Variants in CALN1 observed in about 807,000 individuals in gnomAD.
CALN1 encodes calcium-binding protein 8.
In CALN1, 17 loss-of-function variants were observed where a neutral mutation model predicts 30.6. That is an observed-to-expected ratio of 0.56 (90% CI 0.38 to 0.83). The LOEUF (loss-of-function observed/expected upper bound fraction) is 0.83. CALN1 is among the 40% of genes least tolerant of loss of function. The pLI is 0.00. For missense variants in CALN1, 291 were observed against 354.9 expected, an observed-to-expected ratio of 0.82 and a Z score of 1.45; for synonymous variants, 156 against 131.4, an observed-to-expected ratio of 1.19 and a Z score of -1.28.
intron 5 of CALN1, among the ~76,000 whole-genome samples, chr7:71,870,625 T>C (rs942517406): frequency 6.6e-6 from 1 of 152,204 alleles, no homozygotes; most frequent in African/African-American, 2.4e-5. Context: ...AAAATTTTGA[T>C]ATTGAGTCTC....
chr7:71,821,943 T>C (rs757074238), intron 5 of CALN1, among the ~76,000 whole-genome samples: 54 of 151,486 alleles, frequency 3.6e-4, no homozygotes, highest in Admixed American at 2.6e-4. Context: ...AATTTTTGCA[T>C]TTTTTGTAGA....
chr7:72,304,021 A>T (rs1195300362), intron 2 of CALN1, among the ~76,000 whole-genome samples: 1 of 152,206 alleles, frequency 6.6e-6, no homozygotes, highest in Non-Finnish European at 1.5e-5. Flanking sequence ...TCAGATAGAG[A>T]ACAAATGTAA....
At chr7:72,386,907 A>G (rs1805240601) in intron 2 of CALN1, among the ~76,000 whole-genome samples, 1 of 152,042 alleles carries the variant, frequency 6.6e-6, no homozygotes, top group East Asian at 1.9e-4. Context: ...AAGTATAGAT[A>G]TGTGTACATA....
chr7:72,239,930 C>T (rs996227840), intron 3 of CALN1, among the ~76,000 whole-genome samples: 9 of 152,158 alleles, frequency 5.9e-5, no homozygotes, highest in Admixed American at 1.3e-4. Flanking sequence ...ACAACACAAG[C>T]CAAGGGTGGA....
the CALN1 span, among the ~76,000 whole-genome samples, chr7:72,455,821 G>C: frequency 6.6e-6 from 1 of 152,144 alleles, no homozygotes; most frequent in African/African-American, 2.4e-5. Flanking sequence ...TCAAGGTCAG[G>C]CAGGAGAAAT....
chr7:72,240,064 C>T (rs1437052288), intron 3 of CALN1, among the ~76,000 whole-genome samples: 2 of 152,138 alleles, frequency 1.3e-5, no homozygotes, highest in African/African-American at 4.8e-5. Context: ...AGAATCCTAG[C>T]CTCAAGTTCT....
intron 3 of CALN1, among the ~76,000 whole-genome samples, chr7:72,123,534 C>A (rs922637676): frequency 6.6e-6 from 1 of 152,180 alleles, no homozygotes; most frequent in African/African-American, 2.4e-5. Context: ...GCCCTGGAAT[C>A]GCTATCTGTA....
chr7:72,232,685 C>A (rs1381929457), intron 3 of CALN1, among the ~76,000 whole-genome samples: 1 of 152,238 alleles, frequency 6.6e-6, no homozygotes, highest in Non-Finnish European at 1.5e-5. Flanking sequence ...GTCTTGAACT[C>A]CTGGCCTCAG....
chr7:71,838,607 T>A (rs1422827281), intron 5 of CALN1, among the ~76,000 whole-genome samples: 2 of 152,146 alleles, frequency 1.3e-5, no homozygotes, highest in African/African-American at 2.4e-5. Flanking sequence ...TTTGGCTGTG[T>A]CCCCACCCAA....
At chr7:72,280,736 A>G (rs1287884841) in intron 2 of CALN1, among the ~76,000 whole-genome samples, 3 of 152,142 alleles carry the variant, frequency 2.0e-5, no homozygotes, top group African/African-American at 7.2e-5. Flanking sequence ...CTTAATCCCC[A>G]ATGCAACAGT....
chr7:72,028,932 A>T lies in CALN1; in HGVS notation c.389-5163T>A, dbSNP rs1013787368. ...CTTAAGTCTGGGAGGTGGAGGTTGC[A>T]GTGAGCTGAGATGATGCCATTGGCC... On this transcript the variant is annotated intron_variant, in intron 4 of 6. Transcript: ENST00000395275. Among the ~76,000 whole-genome samples, 3 of 152,062 alleles carry T rather than the reference A, an allele frequency of 2.0e-5. No individual in the cohort carries two copies. In the East Asian group the frequency reaches 5.8e-4, roughly 30 times the overall value.
At chr7:72,142,379 C>G (rs1206385645) in intron 3 of CALN1, among the ~76,000 whole-genome samples, 1 of 152,196 alleles carries the variant, frequency 6.6e-6, no homozygotes, top group Admixed American at 6.5e-5. Flanking sequence ...TCATTGCTAG[C>G]ACAGCAGTCT....
intron 5 of CALN1, among the ~76,000 whole-genome samples, chr7:71,854,460 T>C (rs147558779): frequency 5.1e-4 from 78 of 152,350 alleles, no homozygotes; most frequent in Middle Eastern, 3.4e-3. Context: ...GAATGTGCTA[T>C]TTATTTTAAG....
At chr7:72,145,297 C>T (rs1225985344) in intron 3 of CALN1, among the ~76,000 whole-genome samples, 4 of 152,076 alleles carry the variant, frequency 2.6e-5, no homozygotes, top group East Asian at 3.9e-4. Flanking sequence ...ATATCACCAC[C>T]GATCCCACAG....
intron 2 of CALN1, among the ~76,000 whole-genome samples, chr7:72,374,398 G>A (rs1032638589): frequency 9.2e-5 from 14 of 151,660 alleles, no homozygotes; most frequent in African/African-American, 2.4e-4. Context: ...GTGTGGTGGA[G>A]GGCGCCTGTA....
intron 3 of CALN1, among the ~76,000 whole-genome samples, chr7:72,149,888 C>T (rs1787088417): frequency 6.6e-6 from 1 of 151,550 alleles, no homozygotes; most frequent in Non-Finnish European, 1.5e-5. Context: ...TGGAGGCGGG[C>T]AGATCACCTG....
At chr7:72,208,335 G>A (rs1362750204) in intron 3 of CALN1, among the ~76,000 whole-genome samples, 1 of 152,182 alleles carries the variant, frequency 6.6e-6, no homozygotes, top group African/African-American at 2.4e-5. Context: ...TTTTCACACT[G>A]GTGGTTTCTA....
rs183777472 is a variant in CALN1, at chr7:72,409,333, G to A, written c.-74+2725C>T. ...ATGGACCTCTGTGCTTGTAACCCATGCACCAGATTGGTTGCTGAAGGCCAC... is the reference window on the plus strand; with the variant it reads ...ATGGACCTCTGTGCTTGTAACCCATACACCAGATTGGTTGCTGAAGGCCAC... On this transcript the variant is annotated intron_variant, in intron 1 of 6. Coordinates refer to ENST00000395275, the MANE Select transcript of CALN1 (RefSeq NM_031468.4). Among the ~76,000 whole-genome samples, 52 of 151,900 alleles carry A rather than the reference G, an allele frequency of 3.4e-4. No homozygotes were observed. In the East Asian group the frequency reaches 7.4e-3, roughly 22 times the overall value.
chr7:72,219,694 T>C (rs1226483872), intron 3 of CALN1, among the ~76,000 whole-genome samples: 53 of 142,106 alleles, frequency 3.7e-4, no homozygotes, highest in African/African-American at 1.3e-3. Context: ...CATGCACACA[T>C]GCAATGCACA....
Sources: allele counts gnomAD v4.1 joint callset (sites outside exome capture counted in the v4.1 genomes callset), GRCh38; gene constraint gnomAD v4.1.1; transcripts MANE v1.5; gene names NCBI Gene and HGNC (gene_info 2026-07-23, HGNC 2026-07-21).